ATM: variants seen among roughly 807,000 people sequenced by gnomAD.
ATM encodes ATM serine/threonine kinase, also known as serine-protein kinase ATM.
ATM carries 308 observed loss-of-function variants against 387.0 expected under a neutral mutation model. The ratio of observed to expected loss-of-function variants is 0.80; its 90% confidence interval spans 0.73 to 0.87. The LOEUF (loss-of-function observed/expected upper bound fraction) is 0.87, where lower values mean the gene tolerates loss of function less well. Among genes scored for constraint, ATM ranks in the 40% least tolerant of loss-of-function variants. The pLI, the probability that ATM is intolerant of heterozygous loss-of-function variation, is 0.00. For missense variants in ATM, 3,312 were observed against 3,560.9 expected, an observed-to-expected ratio of 0.93 and a Z score of 1.78; for synonymous variants, 1,156 against 1,187.3, an observed-to-expected ratio of 0.97 and a Z score of 0.54.
At position 108,368,564 on chromosome 11, in the gene ATM, G is replaced by A. The variant is rs2091450090; in HGVS notation, c.*3056G>A. On this transcript the variant is annotated 3_prime_UTR_variant, in exon 63 of 63. Coordinates refer to ENST00000675843, the MANE Select transcript of ATM (RefSeq NM_000051.4). Reference sequence around the variant, plus strand: ...AAGATAGTAAATTATAAGTACAAGTGTAATATGGACAGTATCTAACTTGAA... The same window carrying A: ...AAGATAGTAAATTATAAGTACAAGTATAATATGGACAGTATCTAACTTGAA... The A allele has an allele frequency of 4.6e-6, 1 of 217,814 alleles. No individual in the cohort carries two copies. Among genetic ancestry groups the A allele is most frequent in the Admixed American group, 5.8e-5 (1 of 17,250 alleles). The allele number at this position is 217,814 out of a possible 1,614,324, so 13.5% of individuals were successfully genotyped here. A position where few individuals can be genotyped will look rare whatever the true frequency, so the allele number is the denominator to read the frequency against.
chr11:108,331,884 CTCTAGAATT>C lies in ATM; in HGVS notation c.7638_7646del (p.Arg2547_Ser2549del), dbSNP rs587776547. 101 of 1,613,216 alleles carry C rather than the reference CTCTAGAATT, an allele frequency of 6.3e-5. No homozygotes were observed. Among genetic ancestry groups the C allele is most frequent in the Non-Finnish European group, 8.1e-5 (95 of 1,179,462 alleles). On this transcript the variant is annotated inframe_deletion, in exon 52 of 63. Coordinates refer to ENST00000675843, the MANE Select transcript of ATM (RefSeq NM_000051.4). ...TAATAGTTCTTTTCTTACAGCTAAT[CTCTAGAATT>C]TCAATGGATCACCCCCATCACACTT...
chr11:108,321,172 G>T, intron 44 of ATM, 129 bp from the exon 45 acceptor site: 1 of 1,237,198 alleles, frequency 8.1e-7, no homozygotes. Flanking sequence ...TGTATTCACT[G>T]TTGCTTGTTA....
In ATM at chr11:108,260,989, G is replaced by A. The variant is rs544676126; in HGVS notation, c.2466+1914G>A. ...CCGCACCTGGCTCGGAGGGTCCTAC[G>A]CCCACGGAGTCTCGCTGATTGCTAG... On this transcript the variant is annotated intron_variant, in intron 16 of 62. Transcript: ENST00000675843. Among the ~76,000 whole-genome samples, 1,213 of 152,276 alleles carry A rather than the reference G, an allele frequency of 8.0e-3. 8 individuals are homozygous for A. Among genetic ancestry groups the A allele is most frequent in the African/African-American group, 0.025 (1,036 of 41,566 alleles).
chr11:108,280,369 C>T (rs1428933174), intron 23 of ATM, among the ~76,000 whole-genome samples: 1 of 152,134 alleles, frequency 6.6e-6, no homozygotes, highest in African/African-American at 2.4e-5. Flanking sequence ...TATGAATCAA[C>T]ATTGTATTAC....
At chr11:108,333,043 C>A in intron 53 of ATM, 143 bp downstream of exon 53, 1 of 955,450 alleles carries the variant, frequency 1.0e-6, no homozygotes, top group Non-Finnish European at 1.6e-6. Context: ...ATGGCTTCAG[C>A]ATTCCCTGGT....
At position 108,292,729 on chromosome 11, in the gene ATM, A is replaced by G. The variant is rs1565461434; in HGVS notation, c.4547A>G (p.His1516Arg). ...TACTGTAAGGATGCTCTAGAAAACCATCTTCATGTTATTGTTGGTACACTT... is the reference window on the plus strand; with the variant it reads ...TACTGTAAGGATGCTCTAGAAAACCGTCTTCATGTTATTGTTGGTACACTT... ...VTYCKDALEN[H>R]LHVIVGTLIP... Residue 1516 changes from histidine to arginine, a missense_variant, in exon 30 of 63, where the codon CAT becomes CGT. Around this residue, in one of 4 missense-constraint regions of ATM, gnomAD observed 1,791 missense variants for 1,804.5 expected, o/e 0.99. Transcript: ENST00000675843. 6.2e-7 allele frequency: 1 copy of G among 1,614,092 alleles called. No homozygotes were observed. The highest frequency in any genetic ancestry group is 8.5e-7 in the Non-Finnish European group (1 of 1,179,972).
At chr11:108,235,646 CT>C (rs756842236) in intron 4 of ATM, 23 bp from the exon 5 acceptor site, 5 of 1,570,862 alleles carry the variant, frequency 3.2e-6, no homozygotes, top group Non-Finnish European at 3.5e-6. Flanking sequence ...TTATGTTTTT[CT>C]TTATTTGTTT....
At chr11:108,255,750 G>C (rs59786549) in intron 13 of ATM, among the ~76,000 whole-genome samples, 2 of 152,084 alleles carry the variant, frequency 1.3e-5, no homozygotes, top group Non-Finnish European at 2.9e-5. Flanking sequence ...GTATCTACTA[G>C]AAAAAATGTT....
chr11:108,327,819 A>T, intron 48 of ATM, 61 bp downstream of exon 48: 1 of 1,209,354 alleles, frequency 8.3e-7, no homozygotes, highest in South Asian at 1.3e-5. Flanking sequence ...TCATCTTTTC[A>T]TCAAGATCAA....
intron 5 of ATM, among the ~76,000 whole-genome samples, chr11:108,239,662 A>G (rs1222195248): frequency 6.6e-6 from 1 of 152,188 alleles, no homozygotes; most frequent in Admixed American, 6.5e-5. Flanking sequence ...ACCCAGAAGT[A>G]GAATTGCTAG....
At chr11:108,279,205 G>GT (rs531716973) in intron 22 of ATM, among the ~76,000 whole-genome samples, 12 of 152,326 alleles carry the variant, frequency 7.9e-5, no homozygotes, top group African/African-American at 2.9e-4. Flanking sequence ...TTTCTGGCTA[G>GT]TTTGAGTTCA....
At chr11:108,269,511 TA>T (rs913997949) in intron 18 of ATM, among the ~76,000 whole-genome samples, 1 of 151,950 alleles carries the variant, frequency 6.6e-6, no homozygotes, top group Non-Finnish European at 1.5e-5. Flanking sequence ...TACTAGCAGT[TA>T]AAAAAAACAC....
intron 40 of ATM, among the ~76,000 whole-genome samples, chr11:108,315,081 C>CA (rs767690836): frequency 5.9e-5 from 9 of 152,154 alleles, no homozygotes; most frequent in Non-Finnish European, 1.2e-4. Flanking sequence ...GCAGTAAACA[C>CA]AGTGAAAAAA....
chr11:108,255,973 C>G (rs1440739458), intron 13 of ATM, among the ~76,000 whole-genome samples: 1 of 151,990 alleles, frequency 6.6e-6, no homozygotes, highest in Non-Finnish European at 1.5e-5. Context: ...CACCCTCCAC[C>G]CTAAGATGAT....
rs1181493043 is a variant in ATM at position 108,317,652 on chromosome 11, TACAC to T, written c.6347+150_6347+153del. The T allele has an allele frequency of 4.3e-3, 514 of 118,288 alleles. 9 individuals carry two copies. The highest frequency in any genetic ancestry group is 0.023 in the African/African-American group (451 of 19,742). The allele number at this position is 118,288 out of a possible 1,614,324, so 7.3% of individuals were successfully genotyped here. The stretch of plus-strand genomic sequence containing the variant: ...ATATATATATATATATATATATATA[TACAC>T]ACACACACACACACACACTATATAT... On this transcript the variant is annotated intron_variant, in intron 43 of 62. Transcript: ENST00000675843.
chr11:108,267,035 A>T, intron 16 of ATM, 136 bp from the exon 17 acceptor site: 1 of 816,908 alleles, frequency 1.2e-6, no homozygotes, highest in Non-Finnish European at 2.0e-6. Flanking sequence ...ACCTCAGGTG[A>T]TCCACCTGGC....
chr11:108,242,757 G>A (rs2079629675), intron 5 of ATM, among the ~76,000 whole-genome samples: 1 of 152,142 alleles, frequency 6.6e-6, no homozygotes, highest in Non-Finnish European at 1.5e-5. Context: ...GCAGTGTCAA[G>A]TGTCCCATTT....
At chr11:108,304,541 T>G in intron 36 of ATM, 134 bp from the exon 37 acceptor site, 1 of 933,874 alleles carries the variant, frequency 1.1e-6, no homozygotes, top group Non-Finnish European at 1.6e-6. Flanking sequence ...AGCAGTATGT[T>G]GAGTTTATGG....
chr11:108,290,637 T>TA (rs2082732778), intron 29 of ATM: 1 of 29,756 alleles, frequency 3.4e-5, no homozygotes, highest in African/African-American at 1.9e-4. Flanking sequence ...GACTCTTGTC[T>TA]CAAAAAAAAA....
Sources: allele counts gnomAD v4.1 joint callset (sites outside exome capture counted in the v4.1 genomes callset), GRCh38; gene constraint gnomAD v4.1.1; regional missense constraint gnomAD v4.1.1; transcripts MANE v1.5; gene names NCBI Gene and HGNC (gene_info 2026-07-23, HGNC 2026-07-21).